BEGAIN: variants seen among roughly 807,000 people sequenced by gnomAD.
BEGAIN encodes the protein brain-enriched guanylate kinase-associated protein.
BEGAIN carries 19 observed loss-of-function variants against 35.8 expected under a neutral mutation model. The ratio of observed to expected loss-of-function variants is 0.53; its 90% confidence interval spans 0.37 to 0.78. BEGAIN has a LOEUF of 0.78. Ranked by LOEUF, BEGAIN falls within the 30% of genes least tolerant of loss-of-function variation. BEGAIN has a pLI of 0.00. For missense variants in BEGAIN, 795 were observed against 853.6 expected, an observed-to-expected ratio of 0.93 and a Z score of 0.85; for synonymous variants, 462 against 388.6, an observed-to-expected ratio of 1.19 and a Z score of -2.22.
At chr14:100,539,393 G>A (rs560756526) in intron 6 of BEGAIN, 78 bp from the exon 7 acceptor site, 3 of 1,489,898 alleles carry the variant, frequency 2.0e-6, no homozygotes, top group Admixed American at 4.7e-5. Flanking sequence ...CCCTGAAGCT[G>A]AGGACTGATG....
At position 100,576,839 on chromosome 14, in the gene BEGAIN, G is replaced by A. The variant is rs543259248; in HGVS notation, c.43-8900C>T. 6.6e-5 allele frequency among the ~76,000 whole-genome samples: 10 copies of A among 152,316 alleles called. No individual in the cohort carries two copies. The South Asian group carries it at 1.0e-3, about 16-fold the overall frequency. On this transcript the variant is annotated intron_variant, in intron 1 of 6. Coordinates refer to ENST00000554140, the MANE Select transcript of BEGAIN (RefSeq NM_001385089.1). The stretch of plus-strand genomic sequence containing the variant: ...CTGAGGCCAGAGTGCATGTGTGGAC[G>A]GGGTACGAGGAAAGAGCTCTACAGC...
At position 100,544,936 on chromosome 14, in the gene BEGAIN, C is replaced by G. The variant is rs375029308; in HGVS notation, c.300+64G>C. 1,239 of 1,551,916 alleles carry G rather than the reference C, an allele frequency of 8.0e-4. 4 individuals are homozygous for G. Among genetic ancestry groups the G allele is most frequent in the Non-Finnish European group, 1.0e-3 (1,159 of 1,134,374 alleles). On this transcript the variant is annotated intron_variant, in intron 4 of 6. Coordinates refer to ENST00000554140, the MANE Select transcript of BEGAIN (RefSeq NM_001385089.1). Reference sequence around the variant, plus strand: ...CTCCTGAGTGGCCCAGGGGTGTCAGCTGGGTGGCTCCCCCCGGGAAGGAGG... The same window carrying G: ...CTCCTGAGTGGCCCAGGGGTGTCAGGTGGGTGGCTCCCCCCGGGAAGGAGG...
Position 100,568,335 on chromosome 14 carries a change from T to C in BEGAIN, c.43-396A>G. 1.5e-5 allele frequency: 7 copies of C among 452,272 alleles called. No homozygotes were observed. Among genetic ancestry groups the C allele is most frequent in the South Asian group, 4.0e-5 (2 of 50,196 alleles). The allele number at this position is 452,272 out of a possible 1,614,324, so 28.0% of individuals were successfully genotyped here. ...CCCCGCCCCGCCCGTTAACCCTTCC[T>C]GCCCCGCGCTCCCTCCCGGAGGAAG... is the stretch of plus-strand genomic sequence containing the variant. On this transcript the variant is annotated intron_variant, in intron 1 of 6. Transcript: ENST00000554140. This position sits in a 1 kb window ranked among gnomAD's most constrained non-coding sequence, Gnocchi z 7.5.
intron 5 of BEGAIN, among the ~76,000 whole-genome samples, chr14:100,541,009 G>A (rs2031524005): frequency 6.6e-6 from 1 of 152,250 alleles, no homozygotes; most frequent in Admixed American, 6.5e-5. Context: ...ATGGGAGGCA[G>A]GATGAACCCC....
At chr14:100,546,769 C>CGT (rs2032535317) in intron 2 of BEGAIN, 107 bp from the exon 3 acceptor site, 3 of 740,192 alleles carry the variant, frequency 4.1e-6, no homozygotes, top group Admixed American at 5.7e-5. Context: ...TACCGGCGCG[C>CGT]GCGCGCGCGC....
chr14:100,537,984 T>A lies in BEGAIN; in HGVS notation c.1824A>T (p.Gly608=), dbSNP rs1161905606. Residue 608 remains glycine, a synonymous_variant, in exon 7 of 7, where the codon GGA becomes GGT. Transcript: ENST00000554140. ...KDSLTKAQLY[G]TLLN The stretch of plus-strand genomic sequence containing the variant: ...ACGCAGGCGCTCAGTTGAGCAAGGT[T>A]CCGTAGAGCTGGGCCTTGGTGAGGC... 8 of 1,608,754 alleles carry A rather than the reference T, an allele frequency of 5.0e-6. 1 individual carries two copies. In the African/African-American group the frequency reaches 9.4e-5, roughly 19 times the overall value.
intron 1 of BEGAIN, among the ~76,000 whole-genome samples, chr14:100,576,508 C>A (rs2035206683): frequency 6.6e-6 from 1 of 152,328 alleles, no homozygotes; most frequent in South Asian, 2.1e-4. Context: ...AGAACAGACC[C>A]CCTCCCGGCA....
At chr14:100,548,437 G>A (rs2032816591) in intron 2 of BEGAIN, 1 of 152,236 alleles carries the variant, frequency 6.6e-6, no homozygotes, top group Non-Finnish European at 1.5e-5. Context: ...TGTACCCACA[G>A]CCCTCGGGAA....
Position 100,582,397 on chromosome 14 carries a change from C to T in BEGAIN, c.42+4852G>A, listed in dbSNP as rs373916579. On this transcript the variant is annotated intron_variant, in intron 1 of 6. Transcript: ENST00000554140. ...TGACCTCGTGATCGGCCCACCTCGGCCTCCCAAAGTGCTGGGATTACAGGC... is the reference window on the plus strand; with the variant it reads ...TGACCTCGTGATCGGCCCACCTCGGTCTCCCAAAGTGCTGGGATTACAGGC... Among the ~76,000 whole-genome samples, 22 of 152,322 alleles carry T rather than the reference C, an allele frequency of 1.4e-4. No individual in the cohort carries two copies. The East Asian group carries it at 3.3e-3, about 23-fold the overall frequency.
At chr14:100,539,367 G>A (rs2031208182) in intron 6 of BEGAIN, 52 bp from the exon 7 acceptor site, 3 of 1,504,592 alleles carry the variant, frequency 2.0e-6, no homozygotes, top group Non-Finnish European at 1.8e-6. Flanking sequence ...CTGTTAGCAT[G>A]GCAGCCCAGC....
intron 1 of BEGAIN, among the ~76,000 whole-genome samples, chr14:100,584,360 C>T (rs1246888934): frequency 6.6e-6 from 1 of 152,184 alleles, no homozygotes; most frequent in Non-Finnish European, 1.5e-5. Flanking sequence ...GAGGCAAGGG[C>T]CACTTTTGAG....
rs781585791 is a variant in BEGAIN at position 100,538,194 on chromosome 14, C to T, written c.1614G>A (p.Gly538=). The stretch of plus-strand genomic sequence containing the variant: ...GCTGCACCCCGAGCCTGTCCCCGTC[C>T]CCCCCCTCGCTGGGTGCATAGCCGG... ...PLPGYAPSEG[G]DGDRLGVQLC... is the part of the protein sequence containing the mutation. The change falls in exon 7 of 7, where the codon GGG becomes GGA. Residue 538 remains glycine, a synonymous_variant. Transcript: ENST00000554140. 1.6e-5 allele frequency: 25 copies of T among 1,549,498 alleles called. No individual in the cohort carries two copies. The South Asian group carries it at 2.3e-4, about 14-fold the overall frequency.
chr14:100,578,019 G>C (rs1035102861), intron 1 of BEGAIN: 4 of 398,722 alleles, frequency 1.0e-5, no homozygotes, highest in African/African-American at 8.2e-5. Context: ...CCTCCCATGG[G>C]GCTGGGATCC....
At position 100,586,660 on chromosome 14, in the gene BEGAIN, T is replaced by C. The variant is rs2035451487; in HGVS notation, c.42+589A>G. ...AGGCCCTGGCCTCCCTGAGCCTCAG[T>C]TTCCTCGCCTGTAAAGGGGCAGGAG... On this transcript the variant is annotated intron_variant, in intron 1 of 6. Coordinates refer to ENST00000554140, the MANE Select transcript of BEGAIN (RefSeq NM_001385089.1). This position sits in a 1 kb window ranked among gnomAD's most constrained non-coding sequence, Gnocchi z 4.9. Among the ~76,000 whole-genome samples the C allele has an allele frequency of 6.6e-6, 1 of 152,148 alleles. No individual in the cohort carries two copies. Among genetic ancestry groups the C allele is most frequent in the South Asian group, 2.1e-4 (1 of 4,828 alleles).
intron 1 of BEGAIN, among the ~76,000 whole-genome samples, chr14:100,574,034 T>C (rs2035148484): frequency 6.6e-6 from 1 of 152,026 alleles, no homozygotes; most frequent in Non-Finnish European, 1.5e-5. Context: ...ATCGGTGTCA[T>C]GCGCTGACCC....
chr14:100,568,976 T>C lies in BEGAIN; in HGVS notation c.43-1037A>G. 1 of 981,274 alleles carries C rather than the reference T, an allele frequency of 1.0e-6. No homozygotes were observed. Among genetic ancestry groups the C allele is most frequent in the Non-Finnish European group, 1.2e-6 (1 of 827,676 alleles). 60.8% of individuals were successfully genotyped at this position (981,274 alleles called of 1,614,324 possible). On this transcript the variant is annotated intron_variant, in intron 1 of 6. Transcript: ENST00000554140. The surrounding 1 kb of genome is among the most constrained non-coding windows in gnomAD (Gnocchi z 7.5). ...CGCGTCCGCCGGGAGCGCGCTCCGC[T>C]CGGGTCCGGGCCCCACGCCGCCTCC...
chr14:100,543,972 G>A lies in BEGAIN; in HGVS notation c.301-7C>T. ...CCTCCTCATAGTGCTGGCCCTGGGG[G>A]TGGGACAGTGGGAGGAGGAGGCCCG... On this transcript the variant is annotated splice_region_variant and splice_polypyrimidine_tract_variant and intron_variant, in intron 4 of 6. Transcript: ENST00000554140. 2 of 1,598,698 alleles carry A rather than the reference G, an allele frequency of 1.3e-6. No homozygotes were observed. Among genetic ancestry groups the A allele is most frequent in the African/African-American group, 1.3e-5 (1 of 74,662 alleles).
intron 5 of BEGAIN, 63 bp downstream of exon 5, chr14:100,543,795 C>G: frequency 1.5e-6 from 2 of 1,333,734 alleles, no homozygotes; most frequent in Non-Finnish European, 2.1e-6. Context: ...CCAGTGCATC[C>G]TGGGAAGCCC....
chr14:100,556,156 C>T (rs1048260520), intron 2 of BEGAIN, among the ~76,000 whole-genome samples: 4 of 152,264 alleles, frequency 2.6e-5, no homozygotes, highest in Admixed American at 6.5e-5. Context: ...CAAGGCCTCC[C>T]GTCTTGCTCC....
Sources: allele counts gnomAD v4.1 joint callset (sites outside exome capture counted in the v4.1 genomes callset), GRCh38; gene constraint gnomAD v4.1.1; non-coding constraint Gnocchi (gnomAD v3.1); transcripts MANE v1.5; gene names NCBI Gene and HGNC (gene_info 2026-07-23, HGNC 2026-07-21).